The following CPAP variants were observed in gnomAD, a reference collection of about 807,000 sequenced individuals.
CPAP encodes the protein centrosomal P4.1-associated protein.
chr13:24,899,523 T>C, the CPAP span: 1 of 1,613,972 alleles, frequency 6.2e-7, no homozygotes. Context: ...TCCTCCTTTT[T>C]AAACTCTTCT....
the CPAP span, among the ~76,000 whole-genome samples, chr13:24,901,775 T>C: frequency 1.8e-4 from 28 of 152,204 alleles, no homozygotes; most frequent in Non-Finnish European, 3.8e-4. Context: ...GGGGATCACT[T>C]GAGCCCAGGA....
chr13:24,925,618 G>A, the CPAP span, among the ~76,000 whole-genome samples: 1 of 152,170 alleles, frequency 6.6e-6, no homozygotes, highest in Non-Finnish European at 1.5e-5. Flanking sequence ...GAAAAAAAGT[G>A]GGGGAGGACA....
chr13:24,892,881 A>G, the CPAP span: 3 of 1,418,222 alleles, frequency 2.1e-6, no homozygotes, highest in Admixed American at 1.8e-5. Context: ...TCAAAAAAAA[A>G]AAACAAAAAG....
chr13:24,883,175 C>G, the CPAP span: 1 of 1,612,676 alleles, frequency 6.2e-7, no homozygotes. Context: ...ACATGAGGAT[C>G]GTCACAGCTC....
chr13:24,888,008 A>G, the CPAP span, among the ~76,000 whole-genome samples: 1 of 152,196 alleles, frequency 6.6e-6, no homozygotes, highest in Non-Finnish European at 1.5e-5. Flanking sequence ...CCACTCATCT[A>G]TGTCTTTACG....
At chr13:24,882,472 G>GGCTACAGTAATCTCACTGTTT in the CPAP span, 4 of 142,040 alleles carry the variant, frequency 2.8e-5, no homozygotes, top group African/African-American at 9.9e-5. Context: ...GCTTCCATGA[G>GGCTACAGTAATCTCACTGTTT]GCTACAGTAA....
the CPAP span, chr13:24,904,045 T>G: frequency 9.3e-6 from 15 of 1,613,966 alleles, no homozygotes; most frequent in Non-Finnish European, 1.3e-5. Flanking sequence ...AAACCTGGGA[T>G]CGAGCATTGT....
At chr13:24,914,829 T>C in the CPAP span, among the ~76,000 whole-genome samples, 1 of 151,994 alleles carries the variant, frequency 6.6e-6, no homozygotes, top group Non-Finnish European at 1.5e-5. Flanking sequence ...TCCCAGCATT[T>C]TGGGAGGCCA....
At chr13:24,912,320 C>A in the CPAP span, among the ~76,000 whole-genome samples, 1 of 152,184 alleles carries the variant, frequency 6.6e-6, no homozygotes, top group Non-Finnish European at 1.5e-5. Flanking sequence ...ATAGGATGGG[C>A]ATCAGTACAT....
chr13:24,915,659 G>A, the CPAP span, among the ~76,000 whole-genome samples: 2 of 152,248 alleles, frequency 1.3e-5, no homozygotes, highest in Middle Eastern at 3.4e-3. Flanking sequence ...CAAAAAATTA[G>A]CTAGGTGTGG....
chr13:24,899,676 A>G, the CPAP span: 3 of 940,622 alleles, frequency 3.2e-6, no homozygotes, highest in Admixed American at 5.8e-5. Flanking sequence ...TGCTAGTCCT[A>G]GTGAATTCAT....
chr13:24,929,573 AT>A, the CPAP span, among the ~76,000 whole-genome samples: 1 of 152,200 alleles, frequency 6.6e-6, no homozygotes, highest in African/African-American at 2.4e-5. Flanking sequence ...CAACAGTTTG[AT>A]TATAATATAA....
chr13:24,883,440 G>A, the CPAP span: 1 of 1,264,060 alleles, frequency 7.9e-7, no homozygotes, highest in Non-Finnish European at 1.1e-6. Context: ...AAAAACTACT[G>A]AAAAGTAGCC....
At chr13:24,905,449 C>T in the CPAP span, 14 of 1,614,032 alleles carry the variant, frequency 8.7e-6, no homozygotes, top group African/African-American at 1.3e-5. Context: ...TCATCAGCTC[C>T]GATGTAGGAG....
At chr13:24,927,061 T>G in the CPAP span, among the ~76,000 whole-genome samples, 1 of 152,096 alleles carries the variant, frequency 6.6e-6, no homozygotes, top group East Asian at 1.9e-4. Context: ...CAGAAAATTG[T>G]CGGCACTGGA....
the CPAP span, chr13:24,905,959 G>A: frequency 1.9e-5 from 31 of 1,614,102 alleles, no homozygotes; most frequent in Non-Finnish European, 2.4e-5. Context: ...CACCTTCATC[G>A]TCACGTGCAT....
At chr13:24,903,913 G>C in the CPAP span, 1 of 1,613,728 alleles carries the variant, frequency 6.2e-7, no homozygotes, top group African/African-American at 1.3e-5. Flanking sequence ...CCAACTTACA[G>C]ACCCAAACGT....
At chr13:24,907,488 C>T in the CPAP span, among the ~76,000 whole-genome samples, 1 of 152,020 alleles carries the variant, frequency 6.6e-6, no homozygotes, top group East Asian at 1.9e-4. Context: ...AAATGTATTT[C>T]AAAAATAGAT....
the CPAP span, chr13:24,933,390 G>C: frequency 1.7e-3 from 550 of 316,372 alleles, 2 homozygotes; most frequent in African/African-American, 0.011. Context: ...TATTACTAGA[G>C]CACAGCCAAA....
Sources: allele counts gnomAD v4.1 joint callset (sites outside exome capture counted in the v4.1 genomes callset), GRCh38; gene constraint gnomAD v4.1.1; transcripts MANE v1.5; gene names NCBI Gene and HGNC (gene_info 2026-07-23, HGNC 2026-07-21).